Variants in ANKRD28 observed in about 807,000 individuals in gnomAD.
The protein encoded by ANKRD28 is ankyrin repeat domain 28.
In ANKRD28, 44 loss-of-function variants were observed where a neutral mutation model predicts 126.5. The observed-to-expected ratio is 0.35, with a 90% confidence interval of 0.27 to 0.45. The LOEUF (loss-of-function observed/expected upper bound fraction) is 0.45. ANKRD28 is among the 20% of genes least tolerant of loss of function. The probability of loss-of-function intolerance (pLI) is 1.00; values close to 1 mark genes in which losing one functional copy is unlikely to be tolerated. For synonymous variants in ANKRD28, 442 were observed against 468.5 expected (o/e 0.94, Z 0.73); for missense variants, 1,110 against 1,316.6 (o/e 0.84, Z 2.43).
intron 4 of ANKRD28, among the ~76,000 whole-genome samples, chr3:15,741,697 C>CTTTTTTTTTTTTTT (rs58655271): frequency 1.5e-4 from 5 of 33,662 alleles, no homozygotes; most frequent in Non-Finnish European, 1.8e-4. Context: ...TGGTTCTATC[C>CTTTTTTTTTTTTTT]TTTTTTTTTT....
chr3:15,692,012 T>A (rs2068862809), intron 17 of ANKRD28, among the ~76,000 whole-genome samples: 2 of 149,740 alleles, frequency 1.3e-5, no homozygotes, highest in Non-Finnish European at 2.9e-5. Flanking sequence ...TGGTGGCACA[T>A]GCCTGTGGTC....
rs1418223588 is a variant in ANKRD28, at chr3:15,850,224, T to TATATATATAGAGAG, written c.27+9152_27+9153insCTCTCTATATATAT. Among the ~76,000 whole-genome samples the TATATATATAGAGAG allele has an allele frequency of 3.3e-3, 116 of 35,106 alleles. 3 individuals carry two copies. The highest frequency in any genetic ancestry group is 5.5e-3 in the Non-Finnish European group (92 of 16,760). The allele number at this position is 35,106 out of a possible 152,430, so 23.0% of individuals were successfully genotyped here. A position where few individuals can be genotyped will look rare whatever the true frequency, so the allele number is the denominator to read the frequency against. ...AAAAAAATATATATATATATATATA[T>TATATATATAGAGAG]AGAGAGAGAGAGAGAGAGAGAGAGA... On this transcript the variant is annotated intron_variant, in intron 1 of 27. Coordinates refer to the ANKRD28 transcript ENST00000399451.
intron 3 of ANKRD28, among the ~76,000 whole-genome samples, chr3:15,754,986 C>T (rs9849460): frequency 0.23 from 35,323 of 151,696 alleles, 6,741 homozygotes; most frequent in East Asian, 0.6. Context: ...CTAGGCACAG[C>T]GGTGGGCGCC....
At chr3:15,791,560 C>G (rs1030896205) in intron 2 of ANKRD28, among the ~76,000 whole-genome samples, 4 of 152,110 alleles carry the variant, frequency 2.6e-5, no homozygotes, top group Non-Finnish European at 5.9e-5. Context: ...TGGATAAACA[C>G]ATGCAAAATC....
rs1371912283 is a variant in ANKRD28, at chr3:15,843,185, G to C, written c.27+16192C>G. On this transcript the variant is annotated intron_variant, in intron 1 of 27. Coordinates refer to the ANKRD28 transcript ENST00000399451. This position sits in a 1 kb window ranked among gnomAD's most constrained non-coding sequence, Gnocchi z 5.2. ...CAGGCACATCACATGGTGAAAGTAG[G>C]AGCAAGACAGATCAAGTGGCGAGGT... 1.3e-5 allele frequency among the ~76,000 whole-genome samples: 2 copies of C among 152,148 alleles called. No homozygotes were observed. The highest frequency in any genetic ancestry group is 2.9e-5 in the Non-Finnish European group (2 of 68,026).
chr3:15,794,511 T>A (rs1428106410), intron 2 of ANKRD28, among the ~76,000 whole-genome samples: 1 of 152,186 alleles, frequency 6.6e-6, no homozygotes, highest in Non-Finnish European at 1.5e-5. Flanking sequence ...TATACATTAG[T>A]GGATGTAATT....
intron 1 of ANKRD28, among the ~76,000 whole-genome samples, chr3:15,819,221 T>G (rs1056616599): frequency 2.0e-5 from 3 of 152,158 alleles, no homozygotes; most frequent in Non-Finnish European, 4.4e-5. Flanking sequence ...AAAGCTGTAG[T>G]GAGCTGAGAG....
chr3:15,815,718 C>T lies in ANKRD28; in HGVS notation c.28-20412G>A, dbSNP rs1284109561. ...AAAATGTTAGAAGACATAAACTATC[C>T]TTGGATAGTTGGAGGAAGGTCAGCT... On this transcript the variant is annotated intron_variant, in intron 1 of 27. Transcript: ENST00000399451. The surrounding 1 kb of genome is among the most constrained non-coding windows in gnomAD (Gnocchi z 4.1). 6.6e-6 allele frequency among the ~76,000 whole-genome samples: 1 copy of T among 152,074 alleles called. No homozygotes were observed. The highest frequency in any genetic ancestry group is 1.5e-5 in the Non-Finnish European group (1 of 68,008).
intron 2 of ANKRD28, among the ~76,000 whole-genome samples, chr3:15,770,355 T>C (rs562875398): frequency 1.3e-5 from 2 of 151,340 alleles, no homozygotes; most frequent in Non-Finnish European, 2.9e-5. Flanking sequence ...AAATCATAAA[T>C]AGTCCACATT....
intron 2 of ANKRD28, among the ~76,000 whole-genome samples, chr3:15,783,620 T>C (rs1168854301): frequency 6.6e-6 from 1 of 151,988 alleles, no homozygotes; most frequent in Non-Finnish European, 1.5e-5. Context: ...CCTAAATGTT[T>C]ACGAAAGGAG....
intron 18 of ANKRD28, among the ~76,000 whole-genome samples, chr3:15,686,856 T>A (rs1317238680): frequency 6.6e-6 from 1 of 152,018 alleles, no homozygotes; most frequent in Non-Finnish European, 1.5e-5. Context: ...ACAACATGAA[T>A]GCAAATGTAA....
At chr3:15,742,433 C>T (rs1037020834) in intron 4 of ANKRD28, among the ~76,000 whole-genome samples, 8 of 148,854 alleles carry the variant, frequency 5.4e-5, no homozygotes, top group African/African-American at 1.0e-4. Flanking sequence ...GCCGCGACCC[C>T]GTCTGGGAGG....
chr3:15,768,635 G>A (rs1197091160), intron 2 of ANKRD28, among the ~76,000 whole-genome samples: 1 of 151,952 alleles, frequency 6.6e-6, no homozygotes, highest in Non-Finnish European at 1.5e-5. Context: ...CTGGGCAACA[G>A]AGCAAGATCT....
chr3:15,840,414 C>T (rs1398399427), intron 1 of ANKRD28, among the ~76,000 whole-genome samples: 1 of 152,106 alleles, frequency 6.6e-6, no homozygotes, highest in Admixed American at 6.6e-5. Context: ...AAAGATACTC[C>T]ATGTTCATGG....
intron 14 of ANKRD28, among the ~76,000 whole-genome samples, chr3:15,698,868 T>C (rs571372602): frequency 2.8e-4 from 43 of 152,310 alleles, no homozygotes; most frequent in Non-Finnish European, 5.0e-4. Flanking sequence ...AATGACTTTC[T>C]TCACAGAATT....
chr3:15,716,788 C>T (rs576557317), intron 8 of ANKRD28, among the ~76,000 whole-genome samples: 1 of 152,276 alleles, frequency 6.6e-6, no homozygotes, highest in South Asian at 2.1e-4. Flanking sequence ...TAGCACGTTT[C>T]ACGCACAGTT....
intron 2 of ANKRD28, among the ~76,000 whole-genome samples, chr3:15,780,069 AG>A (rs1197134015): frequency 6.6e-6 from 1 of 152,184 alleles, no homozygotes; most frequent in East Asian, 1.9e-4. Flanking sequence ...TGCAAGTCCT[AG>A]CCAGAACAAT....
Position 15,713,573 on chromosome 3 carries a change from C to G in ANKRD28, c.1144G>C (p.Glu382Gln). Residue 382 changes from glutamate to glutamine, a missense_variant, in exon 10 of 28, where the codon GAG becomes CAG. Coordinates refer to ENST00000683139, the MANE Select transcript of ANKRD28 (RefSeq NM_001349278.2). ...PLHIAARYGHELLINTLITSG... is the reference protein window; with the variant it reads ...PLHIAARYGHQLLINTLITSG... ...GTAATAAGAGTGTTGATCAGCAGCT[C>G]ATGGCCATACCGTGCTGCTATGTGC... 1 of 1,611,346 alleles carries G rather than the reference C, an allele frequency of 6.2e-7. No homozygotes were observed. The highest frequency in any genetic ancestry group is 8.5e-7 in the Non-Finnish European group (1 of 1,179,124).
intron 3 of ANKRD28, among the ~76,000 whole-genome samples, chr3:15,758,201 T>G (rs751743118): frequency 6.6e-6 from 1 of 152,230 alleles, no homozygotes; most frequent in Non-Finnish European, 1.5e-5. Context: ...AGATAGTCCA[T>G]AACCAGTGAG....
Sources: gnomAD v4.1 joint callset for allele counts (sites outside exome capture counted in the v4.1 genomes callset) on GRCh38, gnomAD v4.1.1 for gene constraint, Gnocchi (gnomAD v3.1) non-coding constraint, MANE v1.5 for transcripts, NCBI Gene and HGNC (gene_info 2026-07-23, HGNC 2026-07-21) for gene names.